Variants in SLC16A10 observed in about 807,000 individuals in gnomAD.
SLC16A10 encodes solute carrier family 16 member 10.
Under a neutral mutation model 40.0 loss-of-function variants are expected in SLC16A10, and 27 were observed. The ratio of observed to expected loss-of-function variants is 0.67; its 90% CI spans 0.50 to 0.93. SLC16A10 has a LOEUF of 0.93. Among genes scored for constraint, SLC16A10 ranks in the 40% least tolerant of loss-of-function variants. The pLI is 0.00. For missense variants in SLC16A10, 529 were observed against 658.2 expected, an observed-to-expected ratio of 0.80 and a Z score of 2.15; for synonymous variants, 213 against 249.8, an observed-to-expected ratio of 0.85 and a Z score of 1.39.
At chr6:111,123,300 T>C (rs1771617093) in intron 1 of SLC16A10, among the ~76,000 whole-genome samples, 1 of 152,250 alleles carries the variant, frequency 6.6e-6, no homozygotes, top group South Asian at 2.1e-4. Context: ...GTATAGGCCA[T>C]AGCTCAGGTT....
intron 1 of SLC16A10, among the ~76,000 whole-genome samples, chr6:111,142,019 G>A (rs1167739524): frequency 1.8e-5 from 1 of 56,810 alleles, no homozygotes; most frequent in Non-Finnish European, 4.3e-5. Flanking sequence ...TAAAGTTAAA[G>A]TCTCTACTTC....
chr6:111,100,008 C>T (rs1771145040), intron 1 of SLC16A10, among the ~76,000 whole-genome samples: 1 of 124,214 alleles, frequency 8.1e-6, no homozygotes, highest in Non-Finnish European at 1.6e-5. Context: ...GGCAGCAGAG[C>T]AAGACCCTGT....
intron 1 of SLC16A10, among the ~76,000 whole-genome samples, chr6:111,130,820 T>C (rs1045134567): frequency 2.0e-5 from 3 of 152,222 alleles, no homozygotes; most frequent in Non-Finnish European, 4.4e-5. Flanking sequence ...TGTATAATGG[T>C]TAAGAGCATG....
At chr6:111,134,330 A>G (rs941691334) in intron 1 of SLC16A10, among the ~76,000 whole-genome samples, 1 of 152,216 alleles carries the variant, frequency 6.6e-6, no homozygotes, top group Non-Finnish European at 1.5e-5. Flanking sequence ...CTTTCTGGAG[A>G]GACTAAGGGA....
chr6:111,213,647 C>T (rs1365915231), intron 4 of SLC16A10, among the ~76,000 whole-genome samples: 1 of 152,224 alleles, frequency 6.6e-6, no homozygotes, highest in East Asian at 1.9e-4. Flanking sequence ...TCAGTCTCAT[C>T]TAGACTGTGG....
rs1379903785 is a variant in SLC16A10, at chr6:111,211,835, C to T, written c.1086+5100C>T. Among the ~76,000 whole-genome samples, 4 of 152,188 alleles carry T rather than the reference C, an allele frequency of 2.6e-5. No homozygotes were observed. The East Asian group carries it at 7.7e-4, about 29-fold the overall frequency. ...CTGCTGCAGTTGACTCCAGCTCTGC[C>T]TGTTTGTTCCTTCCTTTTTCTCCAT... is the stretch of plus-strand genomic sequence containing the variant. On this transcript the variant is annotated intron_variant, in intron 4 of 5. Coordinates refer to ENST00000368851, the MANE Select transcript of SLC16A10 (RefSeq NM_018593.5).
At chr6:111,153,544 A>AAT (rs57137728) in intron 1 of SLC16A10, among the ~76,000 whole-genome samples, 1,813 of 152,028 alleles carry the variant, frequency 0.012, 26 homozygotes, top group African/African-American at 0.042. Flanking sequence ...AAAAAAAAAA[A>AAT]ATTAAATTAA....
intron 3 of SLC16A10, among the ~76,000 whole-genome samples, chr6:111,202,650 A>T (rs1303659714): frequency 2.0e-5 from 3 of 152,004 alleles, no homozygotes; most frequent in African/African-American, 7.2e-5. Flanking sequence ...GCACCTTGGG[A>T]GGCTGAGGCA....
intron 1 of SLC16A10, among the ~76,000 whole-genome samples, chr6:111,090,744 C>T (rs1038819629): frequency 3.9e-5 from 6 of 152,144 alleles, no homozygotes; most frequent in South Asian, 2.1e-4. Context: ...CTTTGATATT[C>T]GAATGCTGAG....
chr6:111,139,072 C>CTTT (rs747299694), intron 1 of SLC16A10, among the ~76,000 whole-genome samples: 8 of 104,860 alleles, frequency 7.6e-5, no homozygotes, highest in South Asian at 3.7e-4. Flanking sequence ...TCCCTGCTGG[C>CTTT]TTTTTTTTTT....
chr6:111,165,970 C>T (rs1409907660), intron 1 of SLC16A10, among the ~76,000 whole-genome samples: 4 of 151,900 alleles, frequency 2.6e-5, no homozygotes, highest in African/African-American at 9.7e-5. Flanking sequence ...GTTTTTTTTC[C>T]TTCAGAGACC....
At chr6:111,122,255 G>C (rs1310259093) in intron 1 of SLC16A10, among the ~76,000 whole-genome samples, 5 of 152,224 alleles carry the variant, frequency 3.3e-5, no homozygotes, top group Admixed American at 3.3e-4. Context: ...CCCTGGACCG[G>C]ACTCTGTATC....
chr6:111,092,902 A>G (rs534534120), intron 1 of SLC16A10, among the ~76,000 whole-genome samples: 4 of 151,878 alleles, frequency 2.6e-5, no homozygotes, highest in African/African-American at 7.2e-5. Context: ...TTAGCTGGGC[A>G]TGGTGGCGGA....
At chr6:111,166,532 A>G (rs374598919) in intron 1 of SLC16A10, among the ~76,000 whole-genome samples, 12 of 151,800 alleles carry the variant, frequency 7.9e-5, no homozygotes, top group African/African-American at 2.9e-4. Flanking sequence ...ATTGGTTATT[A>G]CAGAGCATAG....
intron 1 of SLC16A10, among the ~76,000 whole-genome samples, chr6:111,157,421 C>A (rs563449906): frequency 6.6e-6 from 1 of 151,648 alleles, no homozygotes; most frequent in African/African-American, 2.4e-5. Flanking sequence ...GTAGCTGGGA[C>A]TACAGGCACC....
chr6:111,217,574 C>T (rs1013282672), intron 4 of SLC16A10, among the ~76,000 whole-genome samples: 37 of 150,378 alleles, frequency 2.5e-4, no homozygotes, highest in Non-Finnish European at 4.5e-4. Context: ...CTTAGCCTCC[C>T]GAGTAGCTGG....
intron 4 of SLC16A10, 28 bp from the exon 5 acceptor site, chr6:111,218,786 G>T: frequency 6.3e-7 from 1 of 1,589,712 alleles, no homozygotes; most frequent in South Asian, 1.1e-5. Context: ...TCCTGCGAGC[G>T]GAGCTGACCT....
chr6:111,201,993 A>G (rs1416108963), intron 3 of SLC16A10, among the ~76,000 whole-genome samples: 3 of 152,362 alleles, frequency 2.0e-5, no homozygotes, highest in South Asian at 2.1e-4. Flanking sequence ...TCAGAACACC[A>G]TGTGATGTCT....
In SLC16A10 at chr6:111,222,075, G is replaced by A. The variant is rs1375790016; in HGVS notation, c.1388G>A (p.Gly463Asp). 3.7e-6 allele frequency: 6 copies of A among 1,610,656 alleles called. No homozygotes were observed. The highest frequency in any genetic ancestry group is 1.1e-5 in the South Asian group (1 of 90,276). The part of the protein sequence containing the change: ...YLAGVPPLIG[G>D]AVLCFIPWIH... Reference sequence around the variant, plus strand: ...GCTGGAGTCCCTCCCCTTATTGGAGGTGCTGTGCTTTGTTTTATCCCGTGG... The same window carrying A: ...GCTGGAGTCCCTCCCCTTATTGGAGATGCTGTGCTTTGTTTTATCCCGTGG... The change falls in exon 6 of 6, where the codon GGT becomes GAT. Residue 463 changes from glycine (G) to aspartate (D), a missense_variant. Gly to Asp is a moderately conservative substitution (Grantham distance 94). Transcript: ENST00000368851.
Sources: allele counts gnomAD v4.1 joint callset (sites outside exome capture counted in the v4.1 genomes callset), GRCh38; gene constraint gnomAD v4.1.1; transcripts MANE v1.5; gene names NCBI Gene and HGNC (gene_info 2026-07-23, HGNC 2026-07-21).